The following ART1 variants were observed in gnomAD, a reference collection of about 807,000 sequenced individuals.
The protein encoded by ART1 is GPI-linked NAD(P)(+)--arginine ADP-ribosyltransferase 1.
ART1 carries 29 observed loss-of-function variants against 27.0 expected under a neutral mutation model. That is an observed-to-expected ratio of 1.08 (90% CI 0.80 to 1.47). The LOEUF is 1.47. ART1 is among the 40% of genes most tolerant of loss of function. The pLI is 0.00. For missense variants in ART1, 480 were observed against 423.0 expected (o/e 1.13, Z -1.18); for synonymous variants, 201 against 172.2 (o/e 1.17, Z -1.31).
chr11:3,651,902 T>G (rs369747462), intron 1 of ART1, among the ~76,000 whole-genome samples: 1 of 150,802 alleles, frequency 6.6e-6, no homozygotes, highest in South Asian at 2.1e-4. Context: ...CTCACCCTGA[T>G]CACGCTTGAT....
rs773317551 is a variant in ART1, at chr11:3,660,370, G to A, written c.844+7G>A. 3.1e-6 allele frequency: 5 copies of A among 1,593,560 alleles called. No individual in the cohort carries two copies. The highest frequency in any genetic ancestry group is 1.7e-5 in the Admixed American group (1 of 59,782). On this transcript the variant is annotated splice_region_variant and intron_variant, in intron 3 of 4. Transcript: ENST00000250693. ...AACTGCGAGTACATCAAAGGTAGGA[G>A]GGCAAGCGCTGGTCGGCACCTGTGC... is the stretch of plus-strand genomic sequence containing the variant.
intron 1 of ART1, among the ~76,000 whole-genome samples, chr11:3,654,809 C>G (rs2077556536): frequency 6.6e-6 from 1 of 152,080 alleles, no homozygotes; most frequent in South Asian, 2.1e-4. Flanking sequence ...CTCTGTCTGT[C>G]CTCACTGCCA....
chr11:3,655,244 C>T (rs557598796), intron 1 of ART1, among the ~76,000 whole-genome samples: 32 of 152,332 alleles, frequency 2.1e-4, no homozygotes, highest in African/African-American at 6.7e-4. Flanking sequence ...CCCCCAAAAG[C>T]AGACCCACAG....
intron 1 of ART1, among the ~76,000 whole-genome samples, chr11:3,655,213 G>T (rs773291945): frequency 6.6e-5 from 10 of 152,154 alleles, no homozygotes; most frequent in African/African-American, 9.7e-5. Flanking sequence ...ATCTTCCAAA[G>T]AAAAGACTCT....
At chr11:3,661,794 G>A (rs1399734907) in intron 4 of ART1, among the ~76,000 whole-genome samples, 7 of 151,740 alleles carry the variant, frequency 4.6e-5, no homozygotes, top group African/African-American at 7.2e-5. Context: ...CACCGTGCCC[G>A]GCCCACCTGA....
chr11:3,653,427 G>T (rs1004372348), intron 1 of ART1, among the ~76,000 whole-genome samples: 1 of 148,026 alleles, frequency 6.8e-6, no homozygotes. Context: ...CCTCTACTGC[G>T]CACCTTGTGA....
Position 3,664,284 on chromosome 11 carries a change from C to T in ART1, c.*95C>T. ...CAGTGTAACCAAGATTCCTGTCAAT[C>T]CCATCTGCAGGGAACTCTGGGACCT... On this transcript the variant is annotated 3_prime_UTR_variant, in exon 5 of 5. Transcript: ENST00000250693. 1.6e-6 allele frequency: 2 copies of T among 1,234,254 alleles called. No individual in the cohort carries two copies. Among genetic ancestry groups the T allele is most frequent in the Non-Finnish European group, 2.3e-6 (2 of 857,752 alleles). 76.5% of individuals were successfully genotyped at this position (1,234,254 alleles called of 1,614,324 possible).
chr11:3,656,954 T>C (rs1310432099), intron 1 of ART1, among the ~76,000 whole-genome samples: 1 of 152,188 alleles, frequency 6.6e-6, no homozygotes, highest in Non-Finnish European at 1.5e-5. Flanking sequence ...CTAACCCCAT[T>C]GTCCAGAGAA....
intron 1 of ART1, chr11:3,655,466 C>T (rs1247600060): frequency 2.0e-5 from 3 of 152,198 alleles, no homozygotes; most frequent in Non-Finnish European, 2.9e-5. Context: ...TATTAAATCC[C>T]TTACACTTTT....
Position 3,660,009 on chromosome 11 carries a change from C to G in ART1, c.490C>G (p.Leu164Val). ...TTTCCTGCTGACTGAGGCCCTGCAG[C>G]TCCTGGGCAGCGGCCAGCGTCCACC... ...LHFLLTEALQLLGSGQRPPRC... is the reference protein window; with the variant it reads ...LHFLLTEALQVLGSGQRPPRC... Residue 164 changes from leucine to valine, a missense_variant, in exon 3 of 5, where the codon CTC becomes GTC. By Grantham distance (32) the Leu-to-Val change is conservative (BLOSUM62 1). Coordinates refer to ENST00000250693, the MANE Select transcript of ART1 (RefSeq NM_004314.3). The G allele has an allele frequency of 6.2e-7, 1 of 1,613,996 alleles. No homozygotes were observed.
At chr11:3,656,332 G>T (rs1464634369) in intron 1 of ART1, among the ~76,000 whole-genome samples, 1 of 151,830 alleles carries the variant, frequency 6.6e-6, no homozygotes, top group Non-Finnish European at 1.5e-5. Flanking sequence ...CTACAGATAT[G>T]CACCACCACA....
chr11:3,663,041 ATC>A lies in ART1; in HGVS notation c.887-1048_887-1047del, dbSNP rs557715301. On this transcript the variant is annotated intron_variant, in intron 4 of 4. Transcript: ENST00000250693. ...TCATCTCATCTCATCTCATCATCTC[ATC>A]TCATCTCATCTCATCTCATCTCATC... Among the ~76,000 whole-genome samples, 389 of 104,004 alleles carry A rather than the reference ATC, an allele frequency of 3.7e-3. 7 individuals carry two copies. Among genetic ancestry groups the A allele is most frequent in the African/African-American group, 0.014 (340 of 23,758 alleles). The allele number at this position is 104,004 out of a possible 152,430, so 68.2% of individuals were successfully genotyped here.
intron 4 of ART1, among the ~76,000 whole-genome samples, chr11:3,663,420 C>T (rs1462454649): frequency 3.3e-5 from 5 of 152,100 alleles, no homozygotes; most frequent in African/African-American, 1.2e-4. Context: ...GGTAGAGGAG[C>T]CAAGTTCAGC....
chr11:3,660,992 T>C (rs1431066339), intron 3 of ART1, among the ~76,000 whole-genome samples: 1 of 152,150 alleles, frequency 6.6e-6, no homozygotes, highest in Non-Finnish European at 1.5e-5. Context: ...GCTATGGGCT[T>C]TACTTCCTAT....
intron 1 of ART1, among the ~76,000 whole-genome samples, chr11:3,653,468 C>T (rs969205868): frequency 6.7e-6 from 1 of 149,686 alleles, no homozygotes; most frequent in Non-Finnish European, 1.5e-5. Flanking sequence ...GAACAACCCC[C>T]CTTTGACTGT....
chr11:3,653,473 G>C (rs921915823), intron 1 of ART1, among the ~76,000 whole-genome samples: 9 of 149,492 alleles, frequency 6.0e-5, no homozygotes, highest in Admixed American at 4.0e-4. Flanking sequence ...ACCCCCCTTT[G>C]ACTGTAATTT....
At chr11:3,659,324 C>T (rs768411188) in intron 2 of ART1, 48 bp downstream of exon 2, 6 of 1,611,662 alleles carry the variant, frequency 3.7e-6, no homozygotes, top group East Asian at 2.2e-5. Flanking sequence ...ACTGAGCCAT[C>T]GGCTTCTTCT....
chr11:3,663,825 T>G, intron 4 of ART1: 1 of 346,150 alleles, frequency 2.9e-6, no homozygotes, highest in South Asian at 4.7e-5. Context: ...TTTAAGCCAG[T>G]CAAATTTAGC....
intron 1 of ART1, among the ~76,000 whole-genome samples, chr11:3,657,417 A>G (rs757401478): frequency 6.6e-6 from 1 of 152,316 alleles, no homozygotes; most frequent in Middle Eastern, 3.4e-3. Flanking sequence ...TCTACAAAAA[A>G]TATAAAAATA....
Sources: gnomAD v4.1 joint callset for allele counts (sites outside exome capture counted in the v4.1 genomes callset) on GRCh38, gnomAD v4.1.1 for gene constraint, MANE v1.5 for transcripts, NCBI Gene and HGNC (gene_info 2026-07-23, HGNC 2026-07-21) for gene names.